SIM2: variants seen among roughly 807,000 people sequenced by gnomAD.
SIM2 encodes single-minded homolog 2.
Under a neutral mutation model 64.8 loss-of-function variants are expected in SIM2, and 28 were observed. That is an observed-to-expected ratio of 0.43 (90% CI 0.32 to 0.59). SIM2 has a LOEUF of 0.59. Among genes scored for constraint, SIM2 ranks in the 20% least tolerant of loss-of-function variants. The pLI is 0.07. For synonymous variants in SIM2, 408 were observed against 391.1 expected (o/e 1.04, Z -0.51); for missense variants, 847 against 871.4 (o/e 0.97, Z 0.35).
Position 36,747,941 on chromosome 21 carries a change from C to T in SIM2, c.1853C>T (p.Ala618Val), listed in dbSNP as rs978647781. The change falls in exon 11 of 11, where the codon GCC (alanine) becomes GTC (valine). Residue 618 changes from alanine (A) to valine (V), a missense_variant. Coordinates refer to ENST00000290399, the MANE Select transcript of SIM2 (RefSeq NM_005069.6). The surrounding 1 kb of genome is among the most constrained non-coding windows in gnomAD (Gnocchi z 4.5). ...GGACCGCTGGGGGGCGCCGCACCCG[C>T]CGCCTCCGGCCTGGCCTGCGCTCCC... The part of the protein sequence containing the change: ...RRGPLGGAAP[A>V]ASGLACAPGG... The T allele has an allele frequency of 9.8e-7, 1 of 1,021,694 alleles. No homozygotes were observed. 63.3% of individuals were successfully genotyped at this position (1,021,694 alleles called of 1,614,324 possible). A position where few individuals can be genotyped will look rare whatever the true frequency, so the allele number is the denominator to read the frequency against.
At chr21:36,721,889 G>A (rs1039448474) in intron 4 of SIM2, among the ~76,000 whole-genome samples, 4 of 152,182 alleles carry the variant, frequency 2.6e-5, no homozygotes, top group Non-Finnish European at 5.9e-5. Context: ...TTCATGCCCT[G>A]TTTCTGTAGC....
At position 36,748,120 on chromosome 21, in the gene SIM2, G is replaced by T; in HGVS notation, c.*28G>T. ...CGCTGGCCGCCCGCGCCAGGAGCCTGGACCCGGCCTCCCGGGGCTGCGGCG... is the reference window on the plus strand; with the variant it reads ...CGCTGGCCGCCCGCGCCAGGAGCCTTGACCCGGCCTCCCGGGGCTGCGGCG... On this transcript the variant is annotated 3_prime_UTR_variant, in exon 11 of 11. Transcript: ENST00000290399. The T allele has an allele frequency of 8.5e-7, 1 of 1,177,548 alleles. No individual in the cohort carries two copies. The highest frequency in any genetic ancestry group is 1.1e-6 in the Non-Finnish European group (1 of 950,786). The allele number at this position is 1,177,548 out of a possible 1,614,324, so 72.9% of individuals were successfully genotyped here. A position where few individuals can be genotyped will look rare whatever the true frequency, so the allele number is the denominator to read the frequency against.
At chr21:36,702,687 G>A (rs983947034) in intron 1 of SIM2, among the ~76,000 whole-genome samples, 2 of 152,174 alleles carry the variant, frequency 1.3e-5, no homozygotes, top group Non-Finnish European at 2.9e-5. Flanking sequence ...GGGGACCTGG[G>A]TCTGCGAGGG....
chr21:36,719,102 A>G (rs1193980056), intron 3 of SIM2, among the ~76,000 whole-genome samples: 2 of 152,200 alleles, frequency 1.3e-5, no homozygotes, highest in African/African-American at 4.8e-5. Flanking sequence ...ATCCCCATAT[A>G]ACGTGGCTCT....
chr21:36,717,643 C>T (rs561094376), intron 3 of SIM2, among the ~76,000 whole-genome samples: 1 of 152,136 alleles, frequency 6.6e-6, no homozygotes, highest in South Asian at 2.1e-4. Flanking sequence ...GACATGATTT[C>T]ACCACGTTGG....
chr21:36,702,372 A>G (rs1471384990), intron 1 of SIM2, among the ~76,000 whole-genome samples: 1 of 152,202 alleles, frequency 6.6e-6, no homozygotes, highest in East Asian at 1.9e-4. Context: ...CCCCTCGGAA[A>G]GGGAAGGGAG....
intron 1 of SIM2, among the ~76,000 whole-genome samples, chr21:36,704,088 G>T (rs1052713483): frequency 1.9e-4 from 29 of 152,248 alleles, no homozygotes; most frequent in African/African-American, 6.8e-4. Context: ...TCCAGAAACT[G>T]TCATTTGCCC....
chr21:36,718,164 T>G (rs1373443190), intron 3 of SIM2, among the ~76,000 whole-genome samples: 1 of 152,100 alleles, frequency 6.6e-6, no homozygotes. Context: ...AGGCCAGAAG[T>G]GTAACTTATT....
In SIM2 at chr21:36,723,090, T is replaced by C. The variant is rs761970365; in HGVS notation, c.503T>C (p.Leu168Ser). Reference protein sequence around the residue: ...RSFFLRMKCVLAKRNAGLTCS... With the variant: ...RSFFLRMKCVSAKRNAGLTCS... ...TTCTTTCTTCGAATGAAATGTGTCT[T>C]GGCGAAAAGGAACGCGGGCCTGACC... Residue 168 changes from leucine (L) to serine (S), a missense_variant, in exon 5 of 11, where the codon TTG becomes TCG. Coordinates refer to ENST00000290399, the MANE Select transcript of SIM2 (RefSeq NM_005069.6). 2.5e-6 allele frequency: 4 copies of C among 1,614,146 alleles called. No individual in the cohort carries two copies. The highest frequency in any genetic ancestry group is 3.4e-6 in the Non-Finnish European group (4 of 1,180,030).
intron 1 of SIM2, among the ~76,000 whole-genome samples, chr21:36,707,707 G>A (rs1012529816): frequency 2.6e-5 from 4 of 152,116 alleles, no homozygotes; most frequent in Non-Finnish European, 4.4e-5. Context: ...CAGAGACCGC[G>A]ATGCCCAGGG....
intron 3 of SIM2, among the ~76,000 whole-genome samples, chr21:36,714,254 T>A (rs905609845): frequency 3.9e-5 from 6 of 152,234 alleles, no homozygotes; most frequent in Non-Finnish European, 8.8e-5. Context: ...CCTTTCATAG[T>A]CTTACAGTAA....
rs776705793 is a variant in SIM2 at position 36,745,335 on chromosome 21, GC to G, written c.1576+201del. 5 of 1,439,348 alleles carry G rather than the reference GC, an allele frequency of 3.5e-6. No individual in the cohort carries two copies. Among genetic ancestry groups the G allele is most frequent in the Non-Finnish European group, 4.6e-6 (5 of 1,091,470 alleles). The allele number at this position is 1,439,348 out of a possible 1,614,324, so 89.2% of individuals were successfully genotyped here. A position where few individuals can be genotyped will look rare whatever the true frequency, so the allele number is the denominator to read the frequency against. On this transcript the variant is annotated intron_variant, in intron 10 of 10. Transcript: ENST00000290399. This position sits in a 1 kb window ranked among gnomAD's most constrained non-coding sequence, Gnocchi z 4.8. The stretch of plus-strand genomic sequence containing the variant: ...CCTCGAGAGTGAGAAATGGCAGTCT[GC>G]CTGCCTCGGGGACACTAGTGACAGT...
At chr21:36,716,938 C>G (rs951832183) in intron 3 of SIM2, among the ~76,000 whole-genome samples, 2 of 151,834 alleles carry the variant, frequency 1.3e-5, no homozygotes, top group Non-Finnish European at 2.9e-5. Context: ...ACAGGAAACA[C>G]CATGTCAACC....
At chr21:36,739,923 AT>A (rs2089132908) in intron 7 of SIM2, among the ~76,000 whole-genome samples, 1 of 150,726 alleles carries the variant, frequency 6.6e-6, no homozygotes, top group Admixed American at 6.6e-5. Flanking sequence ...CAGTGAGATC[AT>A]GCCACTGCAC....
chr21:36,734,810 T>C (rs1430276908), intron 7 of SIM2, among the ~76,000 whole-genome samples: 1 of 152,166 alleles, frequency 6.6e-6, no homozygotes, highest in Non-Finnish European at 1.5e-5. Context: ...TTTGTGATTG[T>C]GGAGGCCTCA....
At chr21:36,704,238 C>T (rs2088547162) in intron 1 of SIM2, among the ~76,000 whole-genome samples, 1 of 152,218 alleles carries the variant, frequency 6.6e-6, no homozygotes, top group Non-Finnish European at 1.5e-5. Flanking sequence ...GAAACTGTTT[C>T]CCGGAATCAA....
At chr21:36,734,962 C>T (rs1601705736) in intron 7 of SIM2, among the ~76,000 whole-genome samples, 1 of 152,166 alleles carries the variant, frequency 6.6e-6, no homozygotes, top group Admixed American at 6.5e-5. Context: ...AGTTGAAGTG[C>T]AATGGTTGAT....
chr21:36,745,703 C>T lies in SIM2; in HGVS notation c.1576+567C>T, dbSNP rs2089220128. 4.0e-6 allele frequency: 5 copies of T among 1,249,124 alleles called. No individual in the cohort carries two copies. In the Admixed American group the frequency reaches 1.2e-4, roughly 30 times the overall value. 77.4% of individuals were successfully genotyped at this position (1,249,124 alleles called of 1,614,324 possible). A position where few individuals can be genotyped will look rare whatever the true frequency, so the allele number is the denominator to read the frequency against. On this transcript the variant is annotated intron_variant, in intron 10 of 10. Coordinates refer to ENST00000290399, the MANE Select transcript of SIM2 (RefSeq NM_005069.6). The surrounding 1 kb of genome is among the most constrained non-coding windows in gnomAD (Gnocchi z 4.8). ...AAAATGGGGTGAAGCTGTGATGTGC[C>T]TACTCCCAAGGACACGACACACAGT...
chr21:36,708,626 G>A (rs2088624535), intron 1 of SIM2, among the ~76,000 whole-genome samples: 1 of 152,192 alleles, frequency 6.6e-6, no homozygotes, highest in Non-Finnish European at 1.5e-5. Flanking sequence ...AAGCCCAAGG[G>A]GTAGCGTGTA....
Sources: allele counts gnomAD v4.1 joint callset (sites outside exome capture counted in the v4.1 genomes callset), GRCh38; gene constraint gnomAD v4.1.1; non-coding constraint Gnocchi (gnomAD v3.1); transcripts MANE v1.5; gene names NCBI Gene and HGNC (gene_info 2026-07-23, HGNC 2026-07-21).